DNAL1: variants seen among roughly 807,000 people sequenced by gnomAD.
DNAL1 encodes the protein chromosome 14 open reading frame 168.
A neutral mutation model predicts 29.4 loss-of-function variants in DNAL1; 17 were observed. That is an observed-to-expected ratio of 0.58 (90% CI 0.40 to 0.87). DNAL1 has a LOEUF of 0.87. Among genes scored for constraint, DNAL1 ranks in the 40% least tolerant of loss-of-function variants. DNAL1 has a pLI of 0.00. For synonymous variants in DNAL1, 78 were observed against 76.3 expected (o/e 1.02, Z -0.12); for missense variants, 188 against 214.1 (o/e 0.88, Z 0.76).
In DNAL1 at chr14:73,696,789, T is replaced by C. The variant is rs1566567214; in HGVS notation, c.*847T>C. On this transcript the variant is annotated 3_prime_UTR_variant, in exon 8 of 8. Coordinates refer to ENST00000553645, the MANE Select transcript of DNAL1 (RefSeq NM_031427.4). ...GAATTCCTAGACTAAATGCTGGCCA[T>C]TGATGTATGTCAAAATTTACCCTAA... 1 of 152,254 alleles carries C rather than the reference T, an allele frequency of 6.6e-6. No homozygotes were observed. The highest frequency in any genetic ancestry group is 2.4e-5 in the African/African-American group (1 of 41,474). The allele number at this position is 152,254 out of a possible 1,614,324, so 9.4% of individuals were successfully genotyped here.
intron 4 of DNAL1, 142 bp downstream of exon 4, chr14:73,662,184 T>C: frequency 1.5e-6 from 1 of 668,134 alleles, no homozygotes; most frequent in South Asian, 2.3e-5. Context: ...AACTATGTCT[T>C]AAGTTTGATT....
chr14:73,648,165 A>G (rs1261751867), intron 1 of DNAL1, among the ~76,000 whole-genome samples: 1 of 151,342 alleles, frequency 6.6e-6, no homozygotes, highest in Admixed American at 6.6e-5. Flanking sequence ...TTCAGTAGAG[A>G]TGGAGTTTCC....
Position 73,702,114 on chromosome 14 carries a change from TGA to T in DNAL1, c.*6180_*6181del, listed in dbSNP as rs1200862887. ...GTGTGTGTGTGTGTGTGCACGTGCA[TGA>T]GAGAGAGTGAAAGAGAGAGGTGTTT... On this transcript the variant is annotated 3_prime_UTR_variant, in exon 8 of 8. Coordinates refer to ENST00000553645, the MANE Select transcript of DNAL1 (RefSeq NM_031427.4). 2 of 148,704 alleles carry T rather than the reference TGA, an allele frequency of 1.3e-5. No individual in the cohort carries two copies. Among genetic ancestry groups the T allele is most frequent in the African/African-American group, 2.5e-5 (1 of 39,754 alleles). The allele number at this position is 148,704 out of a possible 1,614,324, so 9.2% of individuals were successfully genotyped here. A position where few individuals can be genotyped will look rare whatever the true frequency, so the allele number is the denominator to read the frequency against.
chr14:73,688,371 A>T (rs957340740), intron 6 of DNAL1, among the ~76,000 whole-genome samples: 2 of 152,276 alleles, frequency 1.3e-5, no homozygotes, highest in East Asian at 3.9e-4. Context: ...ACAATTAGGG[A>T]GGCCAAGGCG....
chr14:73,660,764 C>T (rs529743473), intron 3 of DNAL1, among the ~76,000 whole-genome samples: 4 of 152,264 alleles, frequency 2.6e-5, no homozygotes, highest in African/African-American at 9.6e-5. Flanking sequence ...TCAAAGTGGT[C>T]ACATATCTTT....
chr14:73,644,991 G>C lies in DNAL1; in HGVS notation c.-49G>C. 6.2e-7 allele frequency: 1 copy of C among 1,603,744 alleles called. No homozygotes were observed. Among genetic ancestry groups the C allele is most frequent in the Non-Finnish European group, 8.5e-7 (1 of 1,175,848 alleles). On this transcript the variant is annotated 5_prime_UTR_variant, in exon 1 of 8. Coordinates refer to ENST00000553645, the MANE Select transcript of DNAL1 (RefSeq NM_031427.4). ...GCGCCGAGAAGTGCGCACGCGCACT[G>C]ACCCCGCGGGCCCTAGCAACCAGAG...
chr14:73,698,425 A>G lies in DNAL1; in HGVS notation c.*2483A>G, dbSNP rs1226821238. On this transcript the variant is annotated 3_prime_UTR_variant, in exon 8 of 8. Transcript: ENST00000553645. The stretch of plus-strand genomic sequence containing the variant: ...ACTGCCTTTGGTTTATGCCTCTTGG[A>G]TCAGATATTTGACCTATGTGGAATA... 6.6e-6 allele frequency: 1 copy of G among 152,216 alleles called. No individual in the cohort carries two copies. Among genetic ancestry groups the G allele is most frequent in the Non-Finnish European group, 1.5e-5 (1 of 68,040 alleles). The allele number at this position is 152,216 out of a possible 1,614,324, so 9.4% of individuals were successfully genotyped here.
chr14:73,679,294 A>G (rs1048617988), intron 5 of DNAL1, among the ~76,000 whole-genome samples: 3 of 152,162 alleles, frequency 2.0e-5, no homozygotes, highest in African/African-American at 7.2e-5. Flanking sequence ...GTGCCCGGCC[A>G]AGACTTTTGT....
intron 5 of DNAL1, among the ~76,000 whole-genome samples, chr14:73,677,757 C>T (rs917468602): frequency 6.6e-6 from 1 of 150,798 alleles, no homozygotes. Context: ...CGGGGTTTCA[C>T]CGTGTTAGCC....
Position 73,667,401 on chromosome 14 carries a change from T to C in DNAL1, c.209-4141T>C, listed in dbSNP as rs185672506. On this transcript the variant is annotated intron_variant, in intron 4 of 7. Transcript: ENST00000553645. Reference sequence around the variant, plus strand: ...GATCTCTTGAATCAAAGTGCTGGGATTACAGGCATGAGCCACAGTGACTGG... The same window carrying C: ...GATCTCTTGAATCAAAGTGCTGGGACTACAGGCATGAGCCACAGTGACTGG... 9.0e-4 allele frequency among the ~76,000 whole-genome samples: 137 copies of C among 152,132 alleles called. 1 individual carries two copies. Among genetic ancestry groups the C allele is most frequent in the Middle Eastern group, 3.4e-3 (1 of 294 alleles).
intron 3 of DNAL1, among the ~76,000 whole-genome samples, chr14:73,661,282 C>G (rs999616859): frequency 1.3e-5 from 2 of 152,242 alleles, no homozygotes; most frequent in African/African-American, 4.8e-5. Flanking sequence ...TAGTATTTCA[C>G]TATCTGTTCC....
intron 4 of DNAL1, among the ~76,000 whole-genome samples, chr14:73,669,010 G>C (rs79821652): frequency 0.037 from 5,599 of 152,092 alleles, 155 homozygotes; most frequent in Non-Finnish European, 0.057. Context: ...TTTTCTCTGT[G>C]TCTATGTCCA....
intron 2 of DNAL1, 91 bp from the exon 3 acceptor site, chr14:73,658,756 A>G (rs1891271830): frequency 1.4e-5 from 13 of 916,768 alleles, no homozygotes; most frequent in African/African-American, 3.3e-5. Flanking sequence ...TTGTCTTGAA[A>G]TAAACATGGA....
rs140868980 is a variant in DNAL1 at position 73,684,589 on chromosome 14, A to T, written c.265-2670A>T. On this transcript the variant is annotated intron_variant, in intron 5 of 7. Coordinates refer to ENST00000553645, the MANE Select transcript of DNAL1 (RefSeq NM_031427.4). ...AGCAATAATCATCATCATCATCCTC[A>T]TTACATATAGTCTAAAATAGAGGTC... Among the ~76,000 whole-genome samples the T allele has an allele frequency of 3.9e-3, 591 of 152,232 alleles. 6 individuals carry two copies. The highest frequency in any genetic ancestry group is 0.013 in the African/African-American group (558 of 41,512).
intron 4 of DNAL1, among the ~76,000 whole-genome samples, chr14:73,669,417 C>T (rs1489620911): frequency 6.6e-6 from 1 of 152,138 alleles, no homozygotes; most frequent in Non-Finnish European, 1.5e-5. Flanking sequence ...GCTGGGATTA[C>T]AGGCATGCGC....
At chr14:73,683,968 A>G (rs1229135205) in intron 5 of DNAL1, among the ~76,000 whole-genome samples, 2 of 152,086 alleles carry the variant, frequency 1.3e-5, no homozygotes, top group African/African-American at 2.4e-5. Flanking sequence ...CGGCCTCCCA[A>G]AGTGCTGGGA....
Position 73,689,650 on chromosome 14 carries a change from T to C in DNAL1, c.532+135T>C. On this transcript the variant is annotated intron_variant, in intron 7 of 7. Transcript: ENST00000553645. The stretch of plus-strand genomic sequence containing the variant: ...CAGGTCATTTCTATCTATGTAAAAT[T>C]GAATGGTCTAGGTTTGAGCCAAGGT... 3 of 1,359,752 alleles carry C rather than the reference T, an allele frequency of 2.2e-6. No individual in the cohort carries two copies. In the South Asian group the frequency reaches 3.8e-5, roughly 17 times the overall value. The allele number at this position is 1,359,752 out of a possible 1,614,324, so 84.2% of individuals were successfully genotyped here.
At chr14:73,672,071 G>T (rs1891625935) in intron 5 of DNAL1, among the ~76,000 whole-genome samples, 1 of 152,156 alleles carries the variant, frequency 6.6e-6, no homozygotes, top group Non-Finnish European at 1.5e-5. Flanking sequence ...TGCTTCGTAA[G>T]AGGCAGTGGG....
intron 5 of DNAL1, among the ~76,000 whole-genome samples, chr14:73,684,705 A>T (rs1891971013): frequency 6.6e-6 from 1 of 152,106 alleles, no homozygotes; most frequent in Non-Finnish European, 1.5e-5. Flanking sequence ...ACCAGCCTAG[A>T]CAACATAGTG....
Sources: allele counts gnomAD v4.1 joint callset (sites outside exome capture counted in the v4.1 genomes callset), GRCh38; gene constraint gnomAD v4.1.1; transcripts MANE v1.5; gene names NCBI Gene and HGNC (gene_info 2026-07-23, HGNC 2026-07-21).